DHODH: variants seen among roughly 807,000 people sequenced by gnomAD.
DHODH encodes dihydroorotate dehydrogenase (quinone).
Under a neutral mutation model 39.7 loss-of-function variants are expected in DHODH, and 30 were observed. That is an observed-to-expected ratio of 0.76 (90% CI 0.57 to 1.02). The LOEUF is 1.02. Among genes scored for constraint, DHODH ranks in the 50% least tolerant of loss-of-function variants. The pLI, the probability that DHODH is intolerant of heterozygous loss-of-function variation, is 0.00. For synonymous variants in DHODH, 222 were observed against 213.8 expected (o/e 1.04, Z -0.34); for missense variants, 531 against 520.8 (o/e 1.02, Z -0.19).
At chr16:72,010,851 C>G (rs1039419023) in intron 1 of DHODH, among the ~76,000 whole-genome samples, 1 of 152,152 alleles carries the variant, frequency 6.6e-6, no homozygotes, top group Non-Finnish European at 1.5e-5. Flanking sequence ...ACTTCTGCCT[C>G]CCAAGTAGCT....
Position 72,026,984 on chromosome 16 carries a change from TGTGTGTGTG to T in DHODH, c.*2786_*2794del, listed in dbSNP as rs2041281641. Reference sequence around the variant, plus strand: ...TTGTGTGTGTGTGTGTGTGTGTGTGTGTGTGTGTGTGTGTGTGTGTGTGTGTTTTTGAGA... The same window carrying T: ...TTGTGTGTGTGTGTGTGTGTGTGTGTTGTGTGTGTGTGTGTGTTTTTGAGA... On this transcript the variant is annotated 3_prime_UTR_variant, in exon 9 of 9. Coordinates refer to ENST00000219240, the MANE Select transcript of DHODH (RefSeq NM_001361.5). The T allele has an allele frequency of 1.4e-5, 2 of 144,400 alleles. No individual in the cohort carries two copies. Among genetic ancestry groups the T allele is most frequent in the African/African-American group, 5.0e-5 (2 of 39,652 alleles). The allele number at this position is 144,400 out of a possible 1,614,324, so 8.9% of individuals were successfully genotyped here.
In DHODH at chr16:72,023,185, T is replaced by G; in HGVS notation, c.840T>G (p.Ile280Met). 6.2e-7 allele frequency: 1 copy of G among 1,614,210 alleles called. No individual in the cohort carries two copies. Among genetic ancestry groups the G allele is most frequent in the East Asian group, 2.2e-5 (1 of 44,876 alleles). Reference protein sequence around the residue: ...VVKELGIDGLIVTNTTVSRPA... With the variant: ...VVKELGIDGLMVTNTTVSRPA... ...TGCAGTTGGGCATCGATGGGCTGAT[T>G]GTTACGAACACCACCGTGAGTCGCC... Residue 280 changes from isoleucine to methionine, a missense_variant, in exon 7 of 9, where the codon ATT becomes ATG. By Grantham distance (10) the Ile-to-Met change is conservative (BLOSUM62 1). Coordinates refer to ENST00000219240, the MANE Select transcript of DHODH (RefSeq NM_001361.5).
At chr16:72,021,350 GC>G in intron 5 of DHODH, 39 bp downstream of exon 5, 2 of 1,563,176 alleles carry the variant, frequency 1.3e-6, no homozygotes, top group East Asian at 4.7e-5. Flanking sequence ...TGTCCCACCA[GC>G]CTGTCCCACC....
chr16:72,023,656 T>C, intron 8 of DHODH, 23 bp downstream of exon 8: 1 of 1,612,686 alleles, frequency 6.2e-7, no homozygotes, highest in Non-Finnish European at 8.5e-7. Context: ...ATGTGTGGCT[T>C]GAAACAGAAG....
chr16:72,020,956 G>A (rs1348235499), intron 4 of DHODH, among the ~76,000 whole-genome samples, 168 bp from the exon 5 acceptor site: 1 of 152,234 alleles, frequency 6.6e-6, no homozygotes, highest in Non-Finnish European at 1.5e-5. Flanking sequence ...GTTTTGGTCA[G>A]CAGGCGGGCC....
rs776827112 is a variant in DHODH, at chr16:72,012,234, G to A, written c.206G>A (p.Arg69Gln). The A allele has an allele frequency of 6.8e-6, 11 of 1,614,064 alleles. No homozygotes were observed. The highest frequency in any genetic ancestry group is 1.1e-5 in the South Asian group (1 of 91,078). Residue 69 changes from arginine to glutamine, a missense_variant, in exon 2 of 9, where the codon CGG becomes CAG. Arg to Gln is a conservative substitution (Grantham distance 43). Coordinates refer to ENST00000219240, the MANE Select transcript of DHODH (RefSeq NM_001361.5). ...TTCACCTCCCTGGGGCTCCTTCCAC[G>A]GGCCAGATTTCAAGACTCTGACATG... ...VRFTSLGLLP[R>Q]ARFQDSDMLE...
Position 72,024,536 on chromosome 16 carries a change from T to C in DHODH, c.*337T>C, listed in dbSNP as rs758263011. ...AACGCTAGCCCTTTCTGGTTTGCCA[T>C]AGGCCCTGCCAAGATACTGCAGGTC... On this transcript the variant is annotated 3_prime_UTR_variant, in exon 9 of 9. Coordinates refer to ENST00000219240, the MANE Select transcript of DHODH (RefSeq NM_001361.5). 5.0e-6 allele frequency: 2 copies of C among 398,904 alleles called. No homozygotes were observed. The highest frequency in any genetic ancestry group is 9.5e-6 in the Non-Finnish European group (2 of 211,380). 24.7% of individuals were successfully genotyped at this position (398,904 alleles called of 1,614,324 possible).
chr16:72,009,199 C>G lies in DHODH; in HGVS notation c.21+414C>G. ...TCTGTGAAAAGTTCTTAGCTGTATC[C>G]CCGTATGTAATAGGTGTTCAGAGGC... On this transcript the variant is annotated intron_variant, in intron 1 of 8. Coordinates refer to ENST00000219240, the MANE Select transcript of DHODH (RefSeq NM_001361.5). 6 of 1,010,376 alleles carry G rather than the reference C, an allele frequency of 5.9e-6. No individual in the cohort carries two copies. The South Asian group carries it at 1.6e-4, about 27-fold the overall frequency. 62.6% of individuals were successfully genotyped at this position (1,010,376 alleles called of 1,614,324 possible). A position where few individuals can be genotyped will look rare whatever the true frequency, so the allele number is the denominator to read the frequency against.
chr16:72,021,312 G>A lies in DHODH; in HGVS notation c.705+1G>A, dbSNP rs1397839365. 1 of 1,600,828 alleles carries A rather than the reference G, an allele frequency of 6.2e-7. No homozygotes were observed. The highest frequency in any genetic ancestry group is 8.5e-7 in the Non-Finnish European group (1 of 1,176,204). ...CGAGCTGCGCCGCCTGCTGACCAAG[G>A]TGGGCAGCTGCACCCCTCTCCAGGC... On this transcript the variant is annotated splice_donor_variant, in intron 5 of 8. Transcript: ENST00000219240. LOFTEE classifies it high-confidence loss of function.
Position 72,012,147 on chromosome 16 carries a change from A to T in DHODH, c.119A>T (p.His40Leu). Reference protein sequence around the residue: ...ATGDERFYAEHLMPTLQGLLD... With the variant: ...ATGDERFYAELLMPTLQGLLD... ...GGAGATGAGCGTTTCTATGCTGAAC[A>T]CCTGATGCCGACTCTGCAGGGGCTG... The change falls in exon 2 of 9, where the codon CAC (histidine) becomes CTC (leucine). Residue 40 changes from histidine to leucine, a missense_variant. Transcript: ENST00000219240. The T allele has an allele frequency of 2.5e-6, 4 of 1,614,002 alleles. No homozygotes were observed. Among genetic ancestry groups the T allele is most frequent in the Non-Finnish European group, 3.4e-6 (4 of 1,179,960 alleles).
rs951665691 is a variant in DHODH, at chr16:72,027,303, G to C, written c.*3104G>C. Reference sequence around the variant, plus strand: ...GAGCCAGCGTGCCTGGCTAATTTTTGTATTTTTAGTAGAGACGGGGTTTCA... The same window carrying C: ...GAGCCAGCGTGCCTGGCTAATTTTTCTATTTTTAGTAGAGACGGGGTTTCA... On this transcript the variant is annotated 3_prime_UTR_variant, in exon 9 of 9. Coordinates refer to ENST00000219240, the MANE Select transcript of DHODH (RefSeq NM_001361.5). 3 of 152,208 alleles carry C rather than the reference G, an allele frequency of 2.0e-5. No homozygotes were observed. The highest frequency in any genetic ancestry group is 7.2e-5 in the African/African-American group (3 of 41,392). The allele number at this position is 152,208 out of a possible 1,614,324, so 9.4% of individuals were successfully genotyped here.
At position 72,024,321 on chromosome 16, in the gene DHODH, GCACTGTAAACGCCAATC is replaced by G; in HGVS notation, c.*123_*139del. On this transcript the variant is annotated 3_prime_UTR_variant, in exon 9 of 9. Coordinates refer to ENST00000219240, the MANE Select transcript of DHODH (RefSeq NM_001361.5). ...CATGTCCCCCAGCCATGGCATGGCT[GCACTGTAAACGCCAATC>G]GGGGGGTCACCAGGATCAACCGCAG... The G allele has an allele frequency of 2.7e-6, 3 of 1,111,170 alleles. No individual in the cohort carries two copies. The highest frequency in any genetic ancestry group is 4.1e-6 in the Non-Finnish European group (3 of 737,630). 68.8% of individuals were successfully genotyped at this position (1,111,170 alleles called of 1,614,324 possible).
chr16:72,022,198 C>G (rs765676703), intron 5 of DHODH, among the ~76,000 whole-genome samples, 164 bp from the exon 6 acceptor site: 4 of 152,068 alleles, frequency 2.6e-5, no homozygotes, highest in Non-Finnish European at 5.9e-5. Context: ...GGATCCATCT[C>G]GACTGTACTC....
chr16:72,017,336 C>G (rs772916399), intron 4 of DHODH, among the ~76,000 whole-genome samples: 2 of 152,140 alleles, frequency 1.3e-5, no homozygotes, highest in Non-Finnish European at 2.9e-5. Context: ...TGTTATGTAA[C>G]CTGTTACCGT....
In DHODH at chr16:72,023,568, G is replaced by A. The variant is rs756712320; in HGVS notation, c.1068G>A (p.Thr356=). The A allele has an allele frequency of 3.7e-6, 6 of 1,613,996 alleles. No homozygotes were observed. The highest frequency in any genetic ancestry group is 1.3e-5 in the African/African-American group (1 of 74,900). ...GGGCCTCCCTGGTGCAGCTGTACAC[G>A]GCCCTCACCTTCTGGGGGCCACCCG... The part of the protein sequence containing the change: ...RAGASLVQLY[T]ALTFWGPPVV... Residue 356 remains threonine, a synonymous_variant, in exon 8 of 9, where the codon ACG becomes ACA. Transcript: ENST00000219240.
At position 72,012,208 on chromosome 16, in the gene DHODH, C is replaced by A; in HGVS notation, c.180C>A (p.Arg60=). The A allele has an allele frequency of 1.2e-6, 2 of 1,614,116 alleles. No homozygotes were observed. Among genetic ancestry groups the A allele is most frequent in the Non-Finnish European group, 1.7e-6 (2 of 1,180,012 alleles). ...AGTCAGCCCACAGACTGGCTGTTCG[C>A]TTCACCTCCCTGGGGCTCCTTCCAC... ...DPESAHRLAV[R]FTSLGLLPRA... Residue 60 remains arginine, a synonymous_variant, in exon 2 of 9, where the codon CGC becomes CGA. Coordinates refer to ENST00000219240, the MANE Select transcript of DHODH (RefSeq NM_001361.5).
chr16:72,018,054 G>A (rs1247668688), intron 4 of DHODH, among the ~76,000 whole-genome samples: 2 of 152,142 alleles, frequency 1.3e-5, no homozygotes, highest in Non-Finnish European at 1.5e-5. Flanking sequence ...GATTACAGGC[G>A]TGAGCCACCG....
At position 72,017,185 on chromosome 16, in the gene DHODH, G is replaced by T. The variant is rs2041151660; in HGVS notation, c.517+79G>T. 2.1e-6 allele frequency: 3 copies of T among 1,454,394 alleles called. No homozygotes were observed. In the South Asian group the frequency reaches 3.5e-5, roughly 17 times the overall value. The allele number at this position is 1,454,394 out of a possible 1,614,324, so 90.1% of individuals were successfully genotyped here. A position where few individuals can be genotyped will look rare whatever the true frequency, so the allele number is the denominator to read the frequency against. ...GAGAAATGCTGGGAACATTTCTAGT[G>T]AAATAAACATGATTGAGCAATAGCA... On this transcript the variant is annotated intron_variant, in intron 4 of 8. Transcript: ENST00000219240.
At chr16:72,010,836 C>T (rs1355814199) in intron 1 of DHODH, among the ~76,000 whole-genome samples, 1 of 152,188 alleles carries the variant, frequency 6.6e-6, no homozygotes, top group Non-Finnish European at 1.5e-5. Flanking sequence ...TCAAGGGATC[C>T]ACCCACTTCT....
Sources: allele counts gnomAD v4.1 joint callset (sites outside exome capture counted in the v4.1 genomes callset), GRCh38; gene constraint gnomAD v4.1.1; transcripts MANE v1.5; gene names NCBI Gene and HGNC (gene_info 2026-07-23, HGNC 2026-07-21).